Variants in VPS33B observed in about 807,000 individuals in gnomAD.
VPS33B encodes vacuolar protein sorting-associated protein 33B.
Under a neutral mutation model 95.3 loss-of-function variants are expected in VPS33B, and 80 were observed. The observed-to-expected ratio is 0.84, with a 90% confidence interval of 0.70 to 1.01. VPS33B has a LOEUF of 1.01. Ranked by LOEUF, VPS33B falls within the 50% of genes least tolerant of loss-of-function variation. VPS33B has a pLI of 0.00. For synonymous variants in VPS33B, 280 were observed against 280.4 expected (o/e 1.00, Z 0.01); for missense variants, 715 against 773.4 (o/e 0.92, Z 0.90).
rs911783275 is a variant in VPS33B at position 91,006,740 on chromosome 15, G to A, written c.701-11C>T. ...TCACAAAGTCCACATCTGAAACAGA[G>A]ATCCCTGACCATGAAGGTTCTCCCT... On this transcript the variant is annotated splice_polypyrimidine_tract_variant and intron_variant, in intron 9 of 22. Transcript: ENST00000333371. The surrounding 1 kb of genome is among the most constrained non-coding windows in gnomAD (Gnocchi z 5.4). 1 of 1,614,172 alleles carries A rather than the reference G, an allele frequency of 6.2e-7. No homozygotes were observed. Among genetic ancestry groups the A allele is most frequent in the South Asian group, 1.1e-5 (1 of 91,080 alleles).
chr15:91,014,339 G>A (rs1192584416), intron 4 of VPS33B, 45 bp downstream of exon 4: 3 of 1,604,312 alleles, frequency 1.9e-6, no homozygotes, highest in Non-Finnish European at 1.7e-6. Flanking sequence ...CTTAGATTTT[G>A]CCCGCCCTTT....
In VPS33B at chr15:91,007,910, A is replaced by T; in HGVS notation, c.458T>A (p.Leu153Gln). Residue 153 changes from leucine (L) to glutamine (Q), a missense_variant, in exon 7 of 23, where the codon CTG becomes CAG. Physicochemically the swap from Leu to Gln is moderately radical, Grantham distance 113. Coordinates refer to ENST00000333371, the MANE Select transcript of VPS33B (RefSeq NM_018668.5). This position sits in a 1 kb window ranked among gnomAD's most constrained non-coding sequence, Gnocchi z 5.3. ...GAAAAATTCTGGTAGTTCCATGCTC[A>T]GCAGATCCACATCAAGAGGCAGCAA... ...FSLLPLDVDL[L>Q]SMELPEFFRD... The T allele has an allele frequency of 6.2e-7, 1 of 1,614,242 alleles. No homozygotes were observed. The highest frequency in any genetic ancestry group is 8.5e-7 in the Non-Finnish European group (1 of 1,180,046).
Position 91,002,044 on chromosome 15 carries a change from G to A in VPS33B, c.1405+6C>T. ...GGAGCAGGGGTCACTTGTGCTCCCT[G>A]CTTACCTGCAGCCTTGTCGGTCACC... On this transcript the variant is annotated splice_donor_region_variant and intron_variant, in intron 18 of 22. Coordinates refer to ENST00000333371, the MANE Select transcript of VPS33B (RefSeq NM_018668.5). This position sits in a 1 kb window ranked among gnomAD's most constrained non-coding sequence, Gnocchi z 4.7. The A allele has an allele frequency of 1.2e-6, 2 of 1,613,710 alleles. No homozygotes were observed. Among genetic ancestry groups the A allele is most frequent in the Non-Finnish European group, 1.7e-6 (2 of 1,180,010 alleles).
Position 91,005,570 on chromosome 15 carries a change from T to C in VPS33B, c.1031-116A>G, listed in dbSNP as rs979629206. On this transcript the variant is annotated intron_variant, in intron 13 of 22. Transcript: ENST00000333371. This position sits in a 1 kb window ranked among gnomAD's most constrained non-coding sequence, Gnocchi z 6.4. ...AATCCGAAAGCACTTCTTCCCACTTTACACCAAGTAAGACCATATGCATCA... is the reference window on the plus strand; with the variant it reads ...AATCCGAAAGCACTTCTTCCCACTTCACACCAAGTAAGACCATATGCATCA... 33 of 1,580,340 alleles carry C rather than the reference T, an allele frequency of 2.1e-5. No homozygotes were observed. The highest frequency in any genetic ancestry group is 2.7e-5 in the Non-Finnish European group (31 of 1,149,616).
rs1365097135 is a variant in VPS33B at position 91,000,150 on chromosome 15, CG to C, written c.1582-176del. Among the ~76,000 whole-genome samples, 2 of 152,114 alleles carry C rather than the reference CG, an allele frequency of 1.3e-5. No individual in the cohort carries two copies. The highest frequency in any genetic ancestry group is 2.9e-5 in the Non-Finnish European group (2 of 68,020). Reference sequence around the variant, plus strand: ...ATTCCAACACTTTAGGAGTTTGAGGCGGGGGGATCACCTGAGGTCAGGAGTT... The same window carrying C: ...ATTCCAACACTTTAGGAGTTTGAGGCGGGGGATCACCTGAGGTCAGGAGTT... On this transcript the variant is annotated intron_variant, in intron 20 of 22. Coordinates refer to ENST00000333371, the MANE Select transcript of VPS33B (RefSeq NM_018668.5). The surrounding 1 kb of genome is among the most constrained non-coding windows in gnomAD (Gnocchi z 4.9).
chr15:91,022,510 T>A lies in VPS33B; in HGVS notation c.-261A>T. 1 of 359,810 alleles carries A rather than the reference T, an allele frequency of 2.8e-6. No individual in the cohort carries two copies. Among genetic ancestry groups the A allele is most frequent in the Non-Finnish European group, 5.0e-6 (1 of 198,192 alleles). The allele number at this position is 359,810 out of a possible 1,614,324, so 22.3% of individuals were successfully genotyped here. A position where few individuals can be genotyped will look rare whatever the true frequency, so the allele number is the denominator to read the frequency against. On this transcript the variant is annotated 5_prime_UTR_variant, in exon 1 of 23. Transcript: ENST00000333371. ...CTCCCTCCCTGATCCACTCTGCCCG[T>A]CAGCAGGATTCCGGTCTACACCCCG...
chr15:91,017,818 A>C lies in VPS33B; in HGVS notation c.164T>G (p.Val55Gly), dbSNP rs775926154. The C allele has an allele frequency of 6.2e-7, 1 of 1,614,094 alleles. No individual in the cohort carries two copies. Among genetic ancestry groups the C allele is most frequent in the Non-Finnish European group, 8.5e-7 (1 of 1,179,982 alleles). ...AAGGGACAGTACCTTCAGGATGGAG[A>C]CATTGGCAATTCGATCCAAAGGGCT... Reference protein sequence around the residue: ...LMSPLDRIANVSILKQHEVDK... With the variant: ...LMSPLDRIANGSILKQHEVDK... The change falls in exon 2 of 23, where the codon GTC becomes GGC. Residue 55 changes from valine (V) to glycine (G), a missense_variant. Val to Gly is a moderately radical substitution (Grantham distance 109, BLOSUM62 -3). Coordinates refer to ENST00000333371, the MANE Select transcript of VPS33B (RefSeq NM_018668.5).
chr15:91,022,411 T>C lies in VPS33B; in HGVS notation c.-162A>G, dbSNP rs1044685392. The stretch of plus-strand genomic sequence containing the variant: ...TCCTCAGCAGCACTCCAGGAATGAA[T>C]GGCCACCTCCAGGCAAGAGAGCTAC... On this transcript the variant is annotated 5_prime_UTR_variant, in exon 1 of 23. Transcript: ENST00000333371. 7 of 631,506 alleles carry C rather than the reference T, an allele frequency of 1.1e-5. No individual in the cohort carries two copies. The highest frequency in any genetic ancestry group is 3.7e-5 in the African/African-American group (2 of 54,322). 39.1% of individuals were successfully genotyped at this position (631,506 alleles called of 1,614,324 possible). A position where few individuals can be genotyped will look rare whatever the true frequency, so the allele number is the denominator to read the frequency against.
intron 1 of VPS33B, among the ~76,000 whole-genome samples, chr15:91,020,693 C>A (rs1434724067): frequency 6.6e-6 from 1 of 152,082 alleles, no homozygotes; most frequent in Non-Finnish European, 1.5e-5. Context: ...CCAGCCTGGC[C>A]AACATGGTGA....
chr15:91,015,340 A>T lies in VPS33B; in HGVS notation c.240-907T>A, dbSNP rs12438273. On this transcript the variant is annotated intron_variant, in intron 3 of 22. Transcript: ENST00000333371. The surrounding 1 kb of genome is among the most constrained non-coding windows in gnomAD (Gnocchi z 4.7). ...GACAAGAGCTAAACTCCGTCTCAAAAAAAATAAAATAAAATAAAATAATAA... is the reference window on the plus strand; with the variant it reads ...GACAAGAGCTAAACTCCGTCTCAAATAAAATAAAATAAAATAAAATAATAA... 0.13 allele frequency among the ~76,000 whole-genome samples: 20,049 copies of T among 151,874 alleles called. 1,929 individuals carry two copies. The highest frequency in any genetic ancestry group is 0.45 in the East Asian group (2,328 of 5,174).
At position 91,009,714 on chromosome 15, in the gene VPS33B, G is replaced by C. The variant is rs1170140915; in HGVS notation, c.403+87C>G. On this transcript the variant is annotated intron_variant, in intron 6 of 22. Transcript: ENST00000333371. This position sits in a 1 kb window ranked among gnomAD's most constrained non-coding sequence, Gnocchi z 4.1. ...CAGGAAAAGAAGGAGCTGGTGGTGG[G>C]GGTGGGGTGGGGGGGTTGGAGAACA... 5.8e-6 allele frequency: 8 copies of C among 1,386,594 alleles called. No homozygotes were observed. In the Admixed American group the frequency reaches 5.8e-5, roughly 10 times the overall value. 85.9% of individuals were successfully genotyped at this position (1,386,594 alleles called of 1,614,324 possible).
rs771520322 is a variant in VPS33B, at chr15:91,001,477, TG to T, written c.1406-16del. The T allele has an allele frequency of 1.7e-5, 27 of 1,612,472 alleles. No homozygotes were observed. Among genetic ancestry groups the T allele is most frequent in the Non-Finnish European group, 2.2e-5 (26 of 1,178,524 alleles). On this transcript the variant is annotated splice_polypyrimidine_tract_variant and intron_variant, in intron 18 of 22. Transcript: ENST00000333371. ...AGTAATCTTTCCTGGGGAAGAAATC[TG>T]TGTCAGGTTTCACCTAAGGTCTATG...
At chr15:91,008,733 C>T (rs1409110327) in intron 6 of VPS33B, among the ~76,000 whole-genome samples, 2 of 152,136 alleles carry the variant, frequency 1.3e-5, no homozygotes, top group African/African-American at 4.8e-5. Flanking sequence ...TATTAAATCA[C>T]GGTTGTGCTC....
Position 91,018,387 on chromosome 15 carries a change from T to C in VPS33B, c.97-502A>G, listed in dbSNP as rs531080991. On this transcript the variant is annotated intron_variant, in intron 1 of 22. Coordinates refer to ENST00000333371, the MANE Select transcript of VPS33B (RefSeq NM_018668.5). This position sits in a 1 kb window ranked among gnomAD's most constrained non-coding sequence, Gnocchi z 4.7. ...CTCCCCCACCCCACAATCCCTGTCATACGATTCCTGCACCACCACTCCTGA... is the reference window on the plus strand; with the variant it reads ...CTCCCCCACCCCACAATCCCTGTCACACGATTCCTGCACCACCACTCCTGA... 7.9e-5 allele frequency among the ~76,000 whole-genome samples: 12 copies of C among 152,106 alleles called. No homozygotes were observed. The highest frequency in any genetic ancestry group is 1.6e-4 in the Non-Finnish European group (11 of 68,016).
At position 91,007,391 on chromosome 15, in the gene VPS33B, G is replaced by C. The variant is rs2040641720; in HGVS notation, c.603+78C>G. On this transcript the variant is annotated intron_variant, in intron 8 of 22. Transcript: ENST00000333371. The surrounding 1 kb of genome is among the most constrained non-coding windows in gnomAD (Gnocchi z 5.3). ...AAAGAATACACCTCATATCACAGGT[G>C]CCCTTGGATAACCCCAGGAGGGTAC... 11 of 1,313,702 alleles carry C rather than the reference G, an allele frequency of 8.4e-6. No individual in the cohort carries two copies. Among genetic ancestry groups the C allele is most frequent in the Non-Finnish European group, 1.2e-5 (11 of 906,756 alleles). 81.4% of individuals were successfully genotyped at this position (1,313,702 alleles called of 1,614,324 possible). A position where few individuals can be genotyped will look rare whatever the true frequency, so the allele number is the denominator to read the frequency against.
chr15:91,016,926 C>A, intron 3 of VPS33B, 37 bp downstream of exon 3: 1 of 1,610,372 alleles, frequency 6.2e-7, no homozygotes, highest in Non-Finnish European at 8.5e-7. Context: ...GGACCTCTTC[C>A]AGCTTGGAGT....
Position 91,022,232 on chromosome 15 carries a change from C to T in VPS33B, c.18G>A (p.Arg6=). The T allele has an allele frequency of 6.3e-7, 1 of 1,577,566 alleles. No individual in the cohort carries two copies. Among genetic ancestry groups the T allele is most frequent in the Non-Finnish European group, 8.6e-7 (1 of 1,157,862 alleles). The change falls in exon 1 of 23, where the codon CGG becomes CGA. Residue 6 remains arginine (R), a synonymous_variant. Coordinates refer to ENST00000333371, the MANE Select transcript of VPS33B (RefSeq NM_018668.5). ...AGTCAGGCAGCTCAGGGGCGTCCGGCCGATGGGGAAAAGCCATGGCAGCGG... is the reference window on the plus strand; with the variant it reads ...AGTCAGGCAGCTCAGGGGCGTCCGGTCGATGGGGAAAAGCCATGGCAGCGG... MAFPH[R]PDAPELPDFS...
In VPS33B at chr15:91,017,871, C is replaced by T. The variant is rs756780467; in HGVS notation, c.111G>A (p.Lys37=). The change falls in exon 2 of 23, where the codon AAG becomes AAA. Residue 37 remains lysine (K), a synonymous_variant. Coordinates refer to ENST00000333371, the MANE Select transcript of VPS33B (RefSeq NM_018668.5). The part of the protein sequence containing the change: ...IYLLEQLPGK[K]DLFIEADLMS... Reference sequence around the variant, plus strand: ...TGAGATCTGCCTCAATGAATAAATCCTTTTTTCCAGGAAGCTGAAGGAGAC... The same window carrying T: ...TGAGATCTGCCTCAATGAATAAATCTTTTTTTCCAGGAAGCTGAAGGAGAC... 1.9e-6 allele frequency: 3 copies of T among 1,614,024 alleles called. No individual in the cohort carries two copies. The East Asian group carries it at 6.7e-5, about 36-fold the overall frequency.
Position 91,019,946 on chromosome 15 carries a change from C to T in VPS33B, c.97-2061G>A, listed in dbSNP as rs566313630. On this transcript the variant is annotated intron_variant, in intron 1 of 22. Coordinates refer to ENST00000333371, the MANE Select transcript of VPS33B (RefSeq NM_018668.5). The stretch of plus-strand genomic sequence containing the variant: ...TCAGCCTCTTGAGTAGCTGGGATTA[C>T]AAGCATGGGCCACTATGCCCAGCTA... Among the ~76,000 whole-genome samples, 9 of 152,180 alleles carry T rather than the reference C, an allele frequency of 5.9e-5. No homozygotes were observed. The South Asian group carries it at 1.9e-3, about 32-fold the overall frequency.
Sources: gnomAD v4.1 joint callset for allele counts (sites outside exome capture counted in the v4.1 genomes callset) on GRCh38, gnomAD v4.1.1 for gene constraint, Gnocchi (gnomAD v3.1) non-coding constraint, MANE v1.5 for transcripts, NCBI Gene and HGNC (gene_info 2026-07-23, HGNC 2026-07-21) for gene names.